TRPM8: variants seen among roughly 807,000 people sequenced by gnomAD.
The protein encoded by TRPM8 is TRPM8 cationic channel.
In TRPM8, 110 loss-of-function variants were observed where a neutral mutation model predicts 133.7. That is an observed-to-expected ratio of 0.82 (90% CI 0.70 to 0.96). The LOEUF (loss-of-function observed/expected upper bound fraction) is 0.96, where lower values mean the gene tolerates loss of function less well. TRPM8 is among the 40% of genes least tolerant of loss of function. The pLI is 0.00. For missense variants in TRPM8, 1,291 were observed against 1,379.5 expected (o/e 0.94, Z 1.02); for synonymous variants, 535 against 532.3 (o/e 1.01, Z -0.07).
chr2:233,980,305 AT>A, intron 18 of TRPM8, 26 bp downstream of exon 18: 1 of 1,518,072 alleles, frequency 6.6e-7, no homozygotes, highest in Non-Finnish European at 9.0e-7. Context: ...ACTTTTCCTA[AT>A]TTTCTGTGTT....
At position 233,964,712 on chromosome 2, in the gene TRPM8, G is replaced by A. The variant is rs754856922; in HGVS notation, c.1834G>A (p.Gly612Arg). ...AKVKNDINAA[G>R]ESEELANEYE... is the part of the protein sequence containing the mutation. ...AGTGAAGAACGACATCAATGCTGCT[G>A]GGGAGTCCGAGGAGCTGGCTAATGA... is the stretch of plus-strand genomic sequence containing the variant. Residue 612 changes from glycine to arginine, a missense_variant, in exon 14 of 26, where the codon GGG (glycine) becomes AGG (arginine). By Grantham distance (125) the Gly-to-Arg change is moderately radical. This residue lies in a region of TRPM8 where 963 missense variants were observed against 968.9 expected (regional missense o/e 0.99). Transcript: ENST00000324695. The A allele has an allele frequency of 4.3e-6, 7 of 1,613,222 alleles. No homozygotes were observed. Among genetic ancestry groups the A allele is most frequent in the Non-Finnish European group, 3.4e-6 (4 of 1,179,358 alleles).
In TRPM8 at chr2:234,006,834, C is replaced by A. The variant is rs1368791358; in HGVS notation, c.3131-19C>A. The A allele has an allele frequency of 1.9e-6, 3 of 1,582,374 alleles. No individual in the cohort carries two copies. In the African/African-American group the frequency reaches 4.1e-5, roughly 21 times the overall value. ...GCAAATGAAACAATTTGAATGTTTTCTTTTTCTCATTATTCAAGGTTTCAA... is the reference window on the plus strand; with the variant it reads ...GCAAATGAAACAATTTGAATGTTTTATTTTTCTCATTATTCAAGGTTTCAA... On this transcript the variant is annotated intron_variant, in intron 22 of 25. Coordinates refer to ENST00000324695, the MANE Select transcript of TRPM8 (RefSeq NM_024080.5).
rs915447791 is a variant in TRPM8 at position 233,974,527 on chromosome 2, C to T, written c.2355+4101C>T. On this transcript the variant is annotated intron_variant, in intron 17 of 25. Coordinates refer to ENST00000324695, the MANE Select transcript of TRPM8 (RefSeq NM_024080.5). ...GATTATAGGTGTGAGCCACTGCGCTCGGCCACCAAAAGGTTTTGACTGGTC... is the reference window on the plus strand; with the variant it reads ...GATTATAGGTGTGAGCCACTGCGCTTGGCCACCAAAAGGTTTTGACTGGTC... Among the ~76,000 whole-genome samples the T allele has an allele frequency of 5.9e-5, 9 of 152,202 alleles. 1 individual carries two copies. The East Asian group carries it at 1.3e-3, about 23-fold the overall frequency.
At position 233,960,825 on chromosome 2, in the gene TRPM8, C is replaced by T. The variant is rs1559529685; in HGVS notation, c.1412C>T (p.Pro471Leu). ...TTTACGGCTCTCATAAAGGACAGAC[C>T]CAAGTTTGTCCGCCTCTTTCTGGAG... Reference protein sequence around the residue: ...VMFTALIKDRPKFVRLFLENG... With the variant: ...VMFTALIKDRLKFVRLFLENG... Residue 471 changes from proline (P) to leucine (L), a missense_variant, in exon 12 of 26, where the codon CCC becomes CTC. Physicochemically the swap from Pro to Leu is moderately conservative, Grantham distance 98. This residue lies in a region of TRPM8 where 963 missense variants were observed against 968.9 expected (regional missense o/e 0.99). Coordinates refer to ENST00000324695, the MANE Select transcript of TRPM8 (RefSeq NM_024080.5). The T allele has an allele frequency of 6.2e-7, 1 of 1,613,998 alleles. No homozygotes were observed. Among genetic ancestry groups the T allele is most frequent in the Admixed American group, 1.7e-5 (1 of 60,010 alleles).
intron 3 of TRPM8, among the ~76,000 whole-genome samples, chr2:233,931,084 A>G (rs1221501408): frequency 7.2e-5 from 11 of 152,094 alleles, no homozygotes. Flanking sequence ...GCATGTGTAC[A>G]TATGTCCATC....
chr2:233,967,390 G>A (rs980553270), intron 15 of TRPM8, among the ~76,000 whole-genome samples: 1 of 152,138 alleles, frequency 6.6e-6, no homozygotes, highest in Non-Finnish European at 1.5e-5. Flanking sequence ...AGAAGGGGAG[G>A]GGAAAAGGAA....
intron 21 of TRPM8, among the ~76,000 whole-genome samples, chr2:233,987,318 A>G (rs1692169982): frequency 6.6e-6 from 1 of 152,258 alleles, no homozygotes; most frequent in Non-Finnish European, 1.5e-5. Context: ...ATTGTTTTCT[A>G]AAAATAAAAA....
At chr2:233,956,090 T>C (rs1691288027) in intron 11 of TRPM8, among the ~76,000 whole-genome samples, 1 of 152,168 alleles carries the variant, frequency 6.6e-6, no homozygotes, top group Admixed American at 6.5e-5. Flanking sequence ...AGTAGTATAA[T>C]TATCTAATTA....
At chr2:234,008,989 A>G (rs1490113838) in intron 24 of TRPM8, among the ~76,000 whole-genome samples, 3 of 152,212 alleles carry the variant, frequency 2.0e-5, no homozygotes, top group African/African-American at 7.2e-5. Context: ...GGTTGTTGTA[A>G]GCAGCTGAAA....
At position 233,961,052 on chromosome 2, in the gene TRPM8, G is replaced by T; in HGVS notation, c.1639G>T (p.Asp547Tyr). 2.5e-6 allele frequency: 4 copies of T among 1,613,884 alleles called. No homozygotes were observed. The highest frequency in any genetic ancestry group is 3.4e-6 in the Non-Finnish European group (4 of 1,179,978). The stretch of plus-strand genomic sequence containing the variant: ...AGACAGAAATGGCCGGGACGAGATG[G>T]ACATAGAACTCCACGTAGGTACTGG... ...KEDRNGRDEM[D>Y]IELHDVSPIT... The change falls in exon 12 of 26, where the codon GAC becomes TAC. Residue 547 changes from aspartate to tyrosine, a missense_variant. Transcript: ENST00000324695.
At position 233,950,313 on chromosome 2, in the gene TRPM8, A is replaced by C. The variant is rs62192335; in HGVS notation, c.1140+167A>C. On this transcript the variant is annotated intron_variant, in intron 9 of 25. Transcript: ENST00000324695. Reference sequence around the variant, plus strand: ...GCTGGAAACTGAAGTTCAGTAAGATACGTGACTCACCAAGTGTGATATTTG... The same window carrying C: ...GCTGGAAACTGAAGTTCAGTAAGATCCGTGACTCACCAAGTGTGATATTTG... 1.4e-3 allele frequency among the ~76,000 whole-genome samples: 218 copies of C among 152,330 alleles called. 3 individuals carry two copies. The highest frequency in any genetic ancestry group is 1.8e-3 in the Non-Finnish European group (121 of 68,040).
chr2:233,930,021 A>G (rs749900165), intron 2 of TRPM8, among the ~76,000 whole-genome samples: 18 of 152,242 alleles, frequency 1.2e-4, no homozygotes, highest in African/African-American at 3.4e-4. Flanking sequence ...TCTCATTCTT[A>G]CTGATGTACA....
chr2:234,009,551 C>T (rs1692780369), intron 24 of TRPM8, among the ~76,000 whole-genome samples: 1 of 152,160 alleles, frequency 6.6e-6, no homozygotes, highest in Admixed American at 6.5e-5. Context: ...GCTGACCTGA[C>T]TCCTAGGGTC....
At chr2:233,999,212 A>C (rs1249684882) in intron 22 of TRPM8, among the ~76,000 whole-genome samples, 1 of 152,032 alleles carries the variant, frequency 6.6e-6, no homozygotes, top group East Asian at 1.9e-4. Flanking sequence ...TGAAGCATCC[A>C]GTGATTGGAA....
chr2:233,967,159 AT>A (rs1461258864), intron 15 of TRPM8, among the ~76,000 whole-genome samples: 1 of 152,226 alleles, frequency 6.6e-6, no homozygotes, highest in African/African-American at 2.4e-5. Context: ...TATTGTGAAG[AT>A]TTAAGGAGAT....
At chr2:233,990,576 G>T (rs1261756375) in intron 21 of TRPM8, among the ~76,000 whole-genome samples, 1 of 152,172 alleles carries the variant, frequency 6.6e-6, no homozygotes, top group Admixed American at 6.5e-5. Flanking sequence ...CCACCTGGGG[G>T]TGTGTTTTTT....
intron 17 of TRPM8, among the ~76,000 whole-genome samples, chr2:233,978,183 G>A (rs1405910203): frequency 7.0e-6 from 1 of 143,568 alleles, no homozygotes; most frequent in Non-Finnish European, 1.5e-5. Flanking sequence ...GTATTTCACA[G>A]AAATGGAATA....
chr2:233,960,040 C>G (rs1193595379), intron 11 of TRPM8, among the ~76,000 whole-genome samples: 2 of 151,928 alleles, frequency 1.3e-5, no homozygotes, highest in Non-Finnish European at 2.9e-5. Flanking sequence ...ATCTTGGCCT[C>G]CCAAAATGCT....
At chr2:233,946,156 C>A in intron 7 of TRPM8, 126 bp downstream of exon 7, 1 of 917,982 alleles carries the variant, frequency 1.1e-6, no homozygotes, top group Non-Finnish European at 1.6e-6. Flanking sequence ...TTTTTATTGC[C>A]AAAGAACTGT....
Sources: allele counts gnomAD v4.1 joint callset (sites outside exome capture counted in the v4.1 genomes callset), GRCh38; gene constraint gnomAD v4.1.1; regional missense constraint gnomAD v4.1.1; transcripts MANE v1.5; gene names NCBI Gene and HGNC (gene_info 2026-07-23, HGNC 2026-07-21).